Variants in NFATC1 observed in about 807,000 individuals in gnomAD.
NFATC1 encodes nuclear factor of activated T-cells, cytoplasmic 1.
A neutral mutation model predicts 76.0 loss-of-function variants in NFATC1; 22 were observed. That is an observed-to-expected ratio of 0.29 (90% confidence interval 0.21 to 0.41). NFATC1 has a LOEUF of 0.41. Ranked by LOEUF, NFATC1 falls within the 10% of genes least tolerant of loss-of-function variation. NFATC1 has a pLI of 1.00. For synonymous variants in NFATC1, 704 were observed against 613.1 expected, an observed-to-expected ratio of 1.15 and a Z score of -2.19; for missense variants, 1,357 against 1,337.7, an observed-to-expected ratio of 1.01 and a Z score of -0.23.
chr18:79,444,232 G>C (rs951990070), intron 3 of NFATC1, among the ~76,000 whole-genome samples: 5 of 152,098 alleles, frequency 3.3e-5, no homozygotes, highest in African/African-American at 9.7e-5. Flanking sequence ...CTCTGGGGGG[G>C]TGTGCACATT....
intron 9 of NFATC1, among the ~76,000 whole-genome samples, chr18:79,507,443 G>A (rs113094875): frequency 0.065 from 9,951 of 152,324 alleles, 430 homozygotes; most frequent in Admixed American, 0.098. Flanking sequence ...TGGGGCTGAC[G>A]GTGTGCAGCG....
intron 3 of NFATC1, among the ~76,000 whole-genome samples, chr18:79,441,091 C>T (rs997999499): frequency 2.6e-5 from 4 of 152,244 alleles, no homozygotes; most frequent in African/African-American, 4.8e-5. Flanking sequence ...GGAGCCGAGA[C>T]GCACCATCAT....
intron 6 of NFATC1, among the ~76,000 whole-genome samples, chr18:79,455,703 C>T (rs969869169): frequency 5.9e-5 from 9 of 152,032 alleles, no homozygotes; most frequent in East Asian, 1.9e-4. Context: ...CAGCCAGGTT[C>T]GCCCCAAACC....
chr18:79,495,663 C>T (rs928029767), intron 9 of NFATC1, among the ~76,000 whole-genome samples: 1 of 152,252 alleles, frequency 6.6e-6, no homozygotes, highest in African/African-American at 2.4e-5. Flanking sequence ...AAAGAGAGAC[C>T]AAGCCCTGAT....
intron 7 of NFATC1, 40 bp downstream of exon 7, chr18:79,461,406 C>T (rs373069680): frequency 6.9e-6 from 11 of 1,602,310 alleles, no homozygotes; most frequent in Non-Finnish European, 9.4e-6. Flanking sequence ...TGTGGGTCCC[C>T]AGGGCTTGGG....
At chr18:79,459,725 C>CA (rs972518635) in intron 6 of NFATC1, among the ~76,000 whole-genome samples, 2 of 152,118 alleles carry the variant, frequency 1.3e-5, no homozygotes, top group African/African-American at 2.4e-5. Flanking sequence ...GGCCTCACCC[C>CA]AAAGATGGAC....
At chr18:79,431,233 T>G (rs551686718) in intron 2 of NFATC1, among the ~76,000 whole-genome samples, 3 of 152,348 alleles carry the variant, frequency 2.0e-5, no homozygotes, top group South Asian at 4.1e-4. Flanking sequence ...ACAAAATATG[T>G]AGTCTTGTTC....
rs921078149 is a variant in NFATC1, at chr18:79,479,333, C to T, written c.2093-6915C>T. On this transcript the variant is annotated intron_variant, in intron 8 of 9. Transcript: ENST00000427363. ...GGCAACAGCTTGAACTGGGCCTGTGCGGCCCCCTCCACGGGCGACAGCGTG... is the reference window on the plus strand; with the variant it reads ...GGCAACAGCTTGAACTGGGCCTGTGTGGCCCCCTCCACGGGCGACAGCGTG... 5.3e-5 allele frequency among the ~76,000 whole-genome samples: 8 copies of T among 151,786 alleles called. No homozygotes were observed. The East Asian group carries it at 1.4e-3, about 26-fold the overall frequency.
At chr18:79,407,878 C>T (rs1330851846) in intron 1 of NFATC1, among the ~76,000 whole-genome samples, 1 of 152,226 alleles carries the variant, frequency 6.6e-6, no homozygotes, top group African/African-American at 2.4e-5. Context: ...CCAAGGCGCT[C>T]AGCCTCAGCG....
At chr18:79,450,897 C>G (rs2087442771) in intron 4 of NFATC1, 57 bp from the exon 5 acceptor site, 2 of 1,572,530 alleles carry the variant, frequency 1.3e-6, no homozygotes, top group Non-Finnish European at 1.7e-6. Context: ...GGGGCCAGGC[C>G]TTTACGCTCC....
At chr18:79,440,363 A>T (rs1366746782) in intron 3 of NFATC1, among the ~76,000 whole-genome samples, 2 of 152,098 alleles carry the variant, frequency 1.3e-5, no homozygotes, top group Non-Finnish European at 2.9e-5. Context: ...GCCTCAGAAA[A>T]CCCACATTTG....
intron 2 of NFATC1, chr18:79,421,360 G>A (rs2086086616): frequency 6.6e-6 from 1 of 152,272 alleles, no homozygotes; most frequent in African/African-American, 2.4e-5. Flanking sequence ...TCCTCCCACG[G>A]GCAGACAGGT....
rs771802842 is a variant in NFATC1, at chr18:79,486,519, C to T, written c.2364C>T (p.Leu788=). ...TTGCCAGCCCGGGCCACTGTCACCTCGGACTCCCGCAGCCGGCCGGAGAGG... is the reference window on the plus strand; with the variant it reads ...TTGCCAGCCCGGGCCACTGTCACCTTGGACTCCCGCAGCCGGCCGGAGAGG... ...KGVASPGHCH[L]GLPQPAGEAP... The change falls in exon 9 of 10, where the codon CTC becomes CTT. Residue 788 remains leucine, a synonymous_variant. Transcript: ENST00000427363. 1.0e-4 allele frequency: 162 copies of T among 1,601,626 alleles called. 1 individual carries two copies. Among genetic ancestry groups the T allele is most frequent in the South Asian group, 3.3e-4 (30 of 90,962 alleles).
At position 79,527,278 on chromosome 18, in the gene NFATC1, G is replaced by A. The variant is rs548308519; in HGVS notation, c.2783-250G>A. 93 of 438,014 alleles carry A rather than the reference G, an allele frequency of 2.1e-4. 2 individuals carry two copies. Among genetic ancestry groups the A allele is most frequent in the Admixed American group, 1.6e-3 (44 of 27,772 alleles). The allele number at this position is 438,014 out of a possible 1,614,324, so 27.1% of individuals were successfully genotyped here. A position where few individuals can be genotyped will look rare whatever the true frequency, so the allele number is the denominator to read the frequency against. ...GGCACCTGGCACCTGCACTTTGGCCGTCAGAGACGTGCTGGTACCGTGCTA... is the reference window on the plus strand; with the variant it reads ...GGCACCTGGCACCTGCACTTTGGCCATCAGAGACGTGCTGGTACCGTGCTA... On this transcript the variant is annotated intron_variant, in intron 9 of 9. Coordinates refer to ENST00000427363, the MANE Select transcript of NFATC1 (RefSeq NM_001278669.2).
chr18:79,477,570 G>A (rs540623558), intron 8 of NFATC1, among the ~76,000 whole-genome samples: 16 of 146,570 alleles, frequency 1.1e-4, no homozygotes, highest in African/African-American at 4.0e-4. Flanking sequence ...TACTGTTGGT[G>A]GAAGAAGGGA....
intron 2 of NFATC1, among the ~76,000 whole-genome samples, chr18:79,414,798 A>G (rs1282025524): frequency 6.6e-6 from 1 of 152,160 alleles, no homozygotes; most frequent in African/African-American, 2.4e-5. Context: ...AATGACGGTG[A>G]TCATAGCAAG....
chr18:79,498,169 G>A (rs1182749041), intron 9 of NFATC1: 1 of 151,490 alleles, frequency 6.6e-6, no homozygotes, highest in South Asian at 2.1e-4. Flanking sequence ...ATGAAAATAT[G>A]TCCCATCCAC....
intron 9 of NFATC1, among the ~76,000 whole-genome samples, chr18:79,492,901 C>CTTT (rs10605674): frequency 1.6e-4 from 14 of 87,228 alleles, no homozygotes; most frequent in South Asian, 4.2e-4. Flanking sequence ...ATGAATCCAG[C>CTTT]TTTTTTTTTT....
At chr18:79,406,599 G>A (rs543283263) in intron 1 of NFATC1, among the ~76,000 whole-genome samples, 8 of 152,366 alleles carry the variant, frequency 5.3e-5, no homozygotes, top group Admixed American at 2.0e-4. Flanking sequence ...CCAGCAGTAA[G>A]TGTGGGTGTG....
Sources: allele counts gnomAD v4.1 joint callset (sites outside exome capture counted in the v4.1 genomes callset), GRCh38; gene constraint gnomAD v4.1.1; transcripts MANE v1.5; gene names NCBI Gene and HGNC (gene_info 2026-07-23, HGNC 2026-07-21).